The following DCC variants were observed in gnomAD, a reference collection of about 807,000 sequenced individuals.
The protein encoded by DCC is DCC netrin 1 receptor, also known as netrin receptor DCC.
A neutral mutation model predicts 172.5 loss-of-function variants in DCC; 58 were observed. The ratio of observed to expected loss-of-function variants is 0.34; its 90% CI spans 0.27 to 0.42. DCC has a LOEUF of 0.42. Ranked by LOEUF, DCC falls within the 10% of genes least tolerant of loss-of-function variation. The pLI, the probability that DCC is intolerant of heterozygous loss-of-function variation, is 1.00. For missense variants in DCC, 1,740 were observed against 1,791.0 expected, an observed-to-expected ratio of 0.97 and a Z score of 0.51; for synonymous variants, 709 against 644.5, an observed-to-expected ratio of 1.10 and a Z score of -1.52.
intron 2 of DCC, among the ~76,000 whole-genome samples, chr18:52,760,045 C>T (rs2037134376): frequency 6.6e-6 from 1 of 152,120 alleles, no homozygotes; most frequent in Non-Finnish European, 1.5e-5. Flanking sequence ...ATATTCCTTC[C>T]TGTATTAGTC....
At chr18:53,243,442 G>T (rs750479001) in intron 12 of DCC, among the ~76,000 whole-genome samples, 3 of 152,126 alleles carry the variant, frequency 2.0e-5, no homozygotes, top group Non-Finnish European at 4.4e-5. Flanking sequence ...TCATTTCAAA[G>T]GCTTACCAAG....
At chr18:52,916,262 T>C (rs1206928649) in intron 3 of DCC, among the ~76,000 whole-genome samples, 1 of 151,636 alleles carries the variant, frequency 6.6e-6, no homozygotes, top group Non-Finnish European at 1.5e-5. Flanking sequence ...GGACAGTCAA[T>C]AGAAAAACTT....
chr18:52,980,569 A>G (rs1031891459), intron 5 of DCC, among the ~76,000 whole-genome samples: 1 of 152,192 alleles, frequency 6.6e-6, no homozygotes, highest in African/African-American at 2.4e-5. Flanking sequence ...TCAACTAACT[A>G]TGTTAATTTT....
Position 52,944,268 on chromosome 18 carries a change from A to G in DCC, c.985+18898A>G, listed in dbSNP as rs570389326. On this transcript the variant is annotated intron_variant, in intron 5 of 28. Coordinates refer to ENST00000442544, the MANE Select transcript of DCC (RefSeq NM_005215.4). ...GAGAACAATATTTTGGCAATCTGAG[A>G]AGATAACTTAGGATGTTAGATCTGA... is the stretch of plus-strand genomic sequence containing the variant. Among the ~76,000 whole-genome samples, 17 of 152,312 alleles carry G rather than the reference A, an allele frequency of 1.1e-4. No homozygotes were observed. The East Asian group carries it at 3.1e-3, about 28-fold the overall frequency.
intron 5 of DCC, among the ~76,000 whole-genome samples, chr18:52,989,250 T>C (rs1245659228): frequency 1.3e-5 from 2 of 152,102 alleles, no homozygotes; most frequent in South Asian, 2.1e-4. Flanking sequence ...TGGCTGGGTG[T>C]GGTGGCTCAC....
At chr18:52,790,197 C>T (rs1176406485) in intron 2 of DCC, among the ~76,000 whole-genome samples, 5 of 152,128 alleles carry the variant, frequency 3.3e-5, no homozygotes, top group Admixed American at 3.3e-4. Flanking sequence ...ATATGGAAGC[C>T]TGTAGCCAAG....
chr18:52,360,238 C>G (rs1232821895), intron 1 of DCC, among the ~76,000 whole-genome samples: 1 of 152,164 alleles, frequency 6.6e-6, no homozygotes, highest in African/African-American at 2.4e-5. Context: ...TTCTGTTAAT[C>G]ATTTTCAAAT....
At chr18:52,911,896 G>T (rs1053299705) in intron 3 of DCC, among the ~76,000 whole-genome samples, 1 of 151,628 alleles carries the variant, frequency 6.6e-6, no homozygotes, top group Non-Finnish European at 1.5e-5. Context: ...ATATATACTG[G>T]AAAAAAATGA....
chr18:52,520,126 A>G (rs2031766198), intron 1 of DCC, among the ~76,000 whole-genome samples: 1 of 152,220 alleles, frequency 6.6e-6, no homozygotes, highest in South Asian at 2.1e-4. Context: ...TTCCTAAACC[A>G]GTGCTTCCAA....
chr18:52,681,376 TCAGG>T (rs2035748056), intron 1 of DCC, among the ~76,000 whole-genome samples: 1 of 152,124 alleles, frequency 6.6e-6, no homozygotes, highest in African/African-American at 2.4e-5. Flanking sequence ...TTCCATGCTA[TCAGG>T]GAGATGATGT....
At chr18:53,314,161 A>G (rs549197253) in intron 13 of DCC, among the ~76,000 whole-genome samples, 5 of 152,324 alleles carry the variant, frequency 3.3e-5, no homozygotes, top group Non-Finnish European at 7.4e-5. Context: ...ATTTTCCCAA[A>G]CAAATCACAG....
At chr18:52,343,025 G>T (rs1320181618) in intron 1 of DCC, among the ~76,000 whole-genome samples, 1 of 152,206 alleles carries the variant, frequency 6.6e-6, no homozygotes, top group Non-Finnish European at 1.5e-5. Flanking sequence ...GGTTATGTTG[G>T]TGGATAGGCT....
At chr18:52,789,325 G>A (rs190625907) in intron 2 of DCC, among the ~76,000 whole-genome samples, 50 of 152,196 alleles carry the variant, frequency 3.3e-4, no homozygotes, top group Middle Eastern at 6.8e-3. Context: ...GCTACCAGAA[G>A]TTGTCTTAGG....
rs982232450 is a variant in DCC, at chr18:52,572,353, A to AT, written c.92-179692dup. 1.6e-3 allele frequency among the ~76,000 whole-genome samples: 237 copies of AT among 151,372 alleles called. 7 individuals are homozygous for AT. Among genetic ancestry groups the AT allele is most frequent in the Admixed American group, 0.014 (212 of 15,164 alleles). On this transcript the variant is annotated intron_variant, in intron 1 of 28. Coordinates refer to ENST00000442544, the MANE Select transcript of DCC (RefSeq NM_005215.4). ...CTAAGTTTTTTTACTGCCCTGTCCC[A>AT]TTTTTTTTTAAACTACTCTGTTTTT... is the stretch of plus-strand genomic sequence containing the variant.
chr18:52,540,432 A>G (rs1208481364), intron 1 of DCC, among the ~76,000 whole-genome samples: 2 of 152,080 alleles, frequency 1.3e-5, no homozygotes, highest in African/African-American at 2.4e-5. Flanking sequence ...GACTCAAAAA[A>G]AAACCATATT....
At chr18:53,426,613 T>C (rs11662556) in intron 21 of DCC, among the ~76,000 whole-genome samples, 65,142 of 151,026 alleles carry the variant, frequency 0.43, 15,841 homozygotes, top group Non-Finnish European at 0.55. Flanking sequence ...TAGATAATCA[T>C]CCTGTTTTTC....
At chr18:52,977,192 GA>G (rs1214298764) in intron 5 of DCC, among the ~76,000 whole-genome samples, 2 of 151,946 alleles carry the variant, frequency 1.3e-5, no homozygotes, top group Admixed American at 6.5e-5. Flanking sequence ...TTTTTGCTGG[GA>G]AAAATATTGA....
At chr18:53,307,498 A>T (rs1253949078) in intron 13 of DCC, among the ~76,000 whole-genome samples, 1 of 152,124 alleles carries the variant, frequency 6.6e-6, no homozygotes, top group Admixed American at 6.6e-5. Context: ...GGATAATTTA[A>T]TCCAAGCTCT....
intron 1 of DCC, among the ~76,000 whole-genome samples, chr18:52,704,143 T>C (rs1003245415): frequency 7.9e-5 from 12 of 151,982 alleles, no homozygotes; most frequent in Admixed American, 7.2e-4. Context: ...ATAAATGTAA[T>C]ATATTATTAA....
Sources: gnomAD v4.1 joint callset for allele counts (sites outside exome capture counted in the v4.1 genomes callset) on GRCh38, gnomAD v4.1.1 for gene constraint, MANE v1.5 for transcripts, NCBI Gene and HGNC (gene_info 2026-07-23, HGNC 2026-07-21) for gene names.